TRIO: variants seen among roughly 807,000 people sequenced by gnomAD.
TRIO encodes the protein trio Rho guanine nucleotide exchange factor.
In TRIO, 58 loss-of-function variants were observed where a neutral mutation model predicts 351.9. The ratio of observed to expected loss-of-function variants is 0.16; its 90% CI spans 0.13 to 0.21. The LOEUF (loss-of-function observed/expected upper bound fraction) is 0.21. Among genes scored for constraint, TRIO ranks in the 10% least tolerant of loss-of-function variants. The pLI is 1.00. For missense variants in TRIO, 3,201 were observed against 4,027.8 expected (o/e 0.79, Z 5.56); for synonymous variants, 1,758 against 1,595.7 (o/e 1.10, Z -2.42).
At chr5:14,332,046 A>T (rs1206689945) in intron 10 of TRIO, among the ~76,000 whole-genome samples, 1 of 152,262 alleles carries the variant, frequency 6.6e-6, no homozygotes, top group Non-Finnish European at 1.5e-5. Context: ...CAGAAAACTC[A>T]GGTTCAAGGA....
chr5:14,427,319 G>T (rs1750727643), intron 34 of TRIO, among the ~76,000 whole-genome samples: 1 of 152,044 alleles, frequency 6.6e-6, no homozygotes, highest in Non-Finnish European at 1.5e-5. Context: ...TCTCCCCTTA[G>T]CTCCTATGTC....
chr5:14,486,012 A>C (rs1277145674), intron 47 of TRIO, among the ~76,000 whole-genome samples: 1 of 151,726 alleles, frequency 6.6e-6, no homozygotes, highest in East Asian at 1.9e-4. Context: ...GAGACGGTTC[A>C]GTACTTCCCT....
intron 1 of TRIO, among the ~76,000 whole-genome samples, chr5:14,193,020 A>G (rs1790548845): frequency 6.6e-6 from 1 of 152,224 alleles, no homozygotes. Context: ...GCTGGAATGA[A>G]GTGGAGACCC....
chr5:14,198,884 C>A (rs1790928462), intron 1 of TRIO, among the ~76,000 whole-genome samples: 1 of 152,098 alleles, frequency 6.6e-6, no homozygotes, highest in Non-Finnish European at 1.5e-5. Flanking sequence ...GTAGATAGTT[C>A]ATTTCCAGGC....
At chr5:14,280,738 C>A (rs1288768636) in intron 3 of TRIO, among the ~76,000 whole-genome samples, 1 of 152,154 alleles carries the variant, frequency 6.6e-6, no homozygotes, top group South Asian at 2.1e-4. Context: ...GATTCTAATA[C>A]CGTGACACAG....
At chr5:14,247,743 A>G (rs1280682098) in intron 1 of TRIO, among the ~76,000 whole-genome samples, 1 of 152,208 alleles carries the variant, frequency 6.6e-6, no homozygotes, top group East Asian at 1.9e-4. Context: ...TTAGATATAT[A>G]AATTAAATAT....
intron 2 of TRIO, among the ~76,000 whole-genome samples, chr5:14,274,555 C>A (rs1735331650): frequency 6.6e-6 from 1 of 152,092 alleles, no homozygotes; most frequent in South Asian, 2.1e-4. Flanking sequence ...TATGTCCTTT[C>A]TTTTTCATTT....
At chr5:14,464,098 G>C (rs375080363) in intron 36 of TRIO, among the ~76,000 whole-genome samples, 10 of 152,154 alleles carry the variant, frequency 6.6e-5, no homozygotes, top group African/African-American at 2.4e-4. Flanking sequence ...GGAACAGGGA[G>C]CCTGAGGTGA....
At chr5:14,172,034 A>C (rs986444700) in intron 1 of TRIO, among the ~76,000 whole-genome samples, 1 of 152,234 alleles carries the variant, frequency 6.6e-6, no homozygotes, top group Non-Finnish European at 1.5e-5. Flanking sequence ...TGCATTGAGC[A>C]TCTGAATACC....
At chr5:14,270,341 T>C (rs1482884712) in intron 1 of TRIO, among the ~76,000 whole-genome samples, 1 of 152,166 alleles carries the variant, frequency 6.6e-6, no homozygotes, top group Non-Finnish European at 1.5e-5. Flanking sequence ...ATCCCCTCTC[T>C]CCGCCTTGCC....
intron 55 of TRIO, among the ~76,000 whole-genome samples, chr5:14,505,880 G>C (rs1305996630): frequency 6.6e-6 from 1 of 152,232 alleles, no homozygotes; most frequent in African/African-American, 2.4e-5. Flanking sequence ...GTGGGGCGCA[G>C]TGAGGCTGAG....
chr5:14,147,134 CA>C (rs1787565345), intron 1 of TRIO, among the ~76,000 whole-genome samples: 1 of 151,942 alleles, frequency 6.6e-6, no homozygotes, highest in Non-Finnish European at 1.5e-5. Flanking sequence ...ACAGTAAAAC[CA>C]ATTTCAATGC....
chr5:14,150,876 A>G (rs1262357404), intron 1 of TRIO, among the ~76,000 whole-genome samples: 2 of 152,190 alleles, frequency 1.3e-5, no homozygotes, highest in Admixed American at 1.3e-4. Context: ...AGGGGGAAAT[A>G]AAGATTCTTT....
rs890598813 is a variant in TRIO at position 14,483,816 on chromosome 5, A to G, written c.6657+1043A>G. Among the ~76,000 whole-genome samples the G allele has an allele frequency of 2.0e-5, 3 of 152,288 alleles. No individual in the cohort carries two copies. In the East Asian group the frequency reaches 5.8e-4, roughly 29 times the overall value. On this transcript the variant is annotated intron_variant, in intron 46 of 56. Transcript: ENST00000344204. ...CCCTCACCCTGAGGCCATGTCAGGC[A>G]CAGACCCTCTGGGCTCACCACTACA...
intron 33 of TRIO, among the ~76,000 whole-genome samples, chr5:14,411,916 G>A (rs372428728): frequency 4.0e-5 from 6 of 151,774 alleles, no homozygotes; most frequent in African/African-American, 1.5e-4. Flanking sequence ...GCCAGTTTCA[G>A]TTATTCTTAA....
intron 34 of TRIO, among the ~76,000 whole-genome samples, chr5:14,450,981 C>T (rs1230581980): frequency 6.6e-6 from 1 of 152,208 alleles, no homozygotes; most frequent in Non-Finnish European, 1.5e-5. Context: ...GGAATGAACA[C>T]ATAGAAGTCA....
chr5:14,313,117 A>G (rs1739069370), intron 8 of TRIO, among the ~76,000 whole-genome samples: 1 of 152,348 alleles, frequency 6.6e-6, no homozygotes, highest in South Asian at 2.1e-4. Flanking sequence ...GTCTGGTTTT[A>G]AAGTGGGTCC....
chr5:14,280,251 G>T (rs1735881345), intron 2 of TRIO, 71 bp from the exon 3 acceptor site: 1 of 1,443,070 alleles, frequency 6.9e-7, no homozygotes, highest in African/African-American at 1.4e-5. Flanking sequence ...TTTTGACAGA[G>T]TGAATGGATG....
intron 31 of TRIO, among the ~76,000 whole-genome samples, chr5:14,403,384 T>G (rs1394888184): frequency 1.6e-4 from 7 of 43,494 alleles, no homozygotes; most frequent in East Asian, 5.6e-4. Flanking sequence ...GGGTGTAGGT[T>G]GTGAGGGTGT....
Sources: allele counts gnomAD v4.1 joint callset (sites outside exome capture counted in the v4.1 genomes callset), GRCh38; gene constraint gnomAD v4.1.1; transcripts MANE v1.5; gene names NCBI Gene and HGNC (gene_info 2026-07-23, HGNC 2026-07-21).